The following GRM7 variants were observed in gnomAD, a reference collection of about 807,000 sequenced individuals.
The protein encoded by GRM7 is metabotropic glutamate receptor 7.
In GRM7, 35 loss-of-function variants were observed where a neutral mutation model predicts 84.5. That is an observed-to-expected ratio of 0.41 (90% CI 0.32 to 0.55). GRM7 has a LOEUF of 0.55. Among genes scored for constraint, GRM7 ranks in the 20% least tolerant of loss-of-function variants. The pLI is 0.19. For missense variants in GRM7, 1,003 were observed against 1,194.6 expected, an observed-to-expected ratio of 0.84 and a Z score of 2.36; for synonymous variants, 487 against 455.1, an observed-to-expected ratio of 1.07 and a Z score of -0.89.
chr3:7,078,960 G>A (rs10049361), intron 1 of GRM7, among the ~76,000 whole-genome samples: 88,236 of 151,714 alleles, frequency 0.58, 27,813 homozygotes, highest in African/African-American at 0.85. Context: ...ATACAATATC[G>A]TTTTTGAGAA....
chr3:7,705,172 A>G (rs1701347434), intron 9 of GRM7, among the ~76,000 whole-genome samples: 1 of 152,162 alleles, frequency 6.6e-6, no homozygotes, highest in African/African-American at 2.4e-5. Context: ...TACCCATGTC[A>G]TCCTTGAATG....
At chr3:7,076,187 G>C (rs1574868374) in intron 1 of GRM7, among the ~76,000 whole-genome samples, 2 of 152,042 alleles carry the variant, frequency 1.3e-5, no homozygotes, top group South Asian at 4.1e-4. Flanking sequence ...AATAATCCTA[G>C]AGCACATACA....
intron 2 of GRM7, among the ~76,000 whole-genome samples, chr3:7,291,491 TCTCTCTCTCTCTCTC>T (rs1699620811): frequency 0.014 from 4 of 294 alleles, no homozygotes; most frequent in East Asian, 0.12. Context: ...TCATGCCAGC[TCTCTCTCTCTCTCTC>T]TCTCTCTCTC....
At chr3:7,131,293 G>A (rs868019869) in intron 1 of GRM7, among the ~76,000 whole-genome samples, 2 of 152,112 alleles carry the variant, frequency 1.3e-5, no homozygotes, top group East Asian at 3.9e-4. Flanking sequence ...CAGGGCCCTC[G>A]TTAAACAATC....
At chr3:7,669,323 G>C (rs1699830836) in intron 8 of GRM7, among the ~76,000 whole-genome samples, 1 of 152,210 alleles carries the variant, frequency 6.6e-6, no homozygotes, top group Non-Finnish European at 1.5e-5. Flanking sequence ...AGACAAGTAG[G>C]AGGTAGCTAG....
At chr3:7,319,650 T>C (rs912384516) in intron 4 of GRM7, among the ~76,000 whole-genome samples, 4 of 152,062 alleles carry the variant, frequency 2.6e-5, no homozygotes, top group Admixed American at 2.6e-4. Flanking sequence ...TGAATATATC[T>C]ACTTAGGTTC....
chr3:7,276,249 G>GTGTGTGTGTGTA (rs1336783487), intron 2 of GRM7, among the ~76,000 whole-genome samples: 2 of 143,592 alleles, frequency 1.4e-5, no homozygotes, highest in African/African-American at 5.3e-5. Flanking sequence ...GTGTGTGTGT[G>GTGTGTGTGTGTA]TATATATAAT....
In GRM7 at chr3:7,340,928, T is replaced by G. The variant is rs2125079042; in HGVS notation, c.1033+34276T>G. ...AGAACTGGTAGTGAGGGCTGGTATT[T>G]ATTGCTTCCCCTGCTTGTACCTGGC... On this transcript the variant is annotated intron_variant, in intron 4 of 9. Coordinates refer to ENST00000357716, the MANE Select transcript of GRM7 (RefSeq NM_000844.4). Among the ~76,000 whole-genome samples, 2 of 152,220 alleles carry G rather than the reference T, an allele frequency of 1.3e-5. 1 individual carries two copies. Among genetic ancestry groups the G allele is most frequent in the South Asian group, 4.1e-4 (2 of 4,820 alleles).
chr3:7,433,252 G>A (rs984721987), intron 5 of GRM7, among the ~76,000 whole-genome samples: 5 of 152,174 alleles, frequency 3.3e-5, no homozygotes, highest in Admixed American at 1.3e-4. Flanking sequence ...GATCAAAGGT[G>A]CACCCATGGA....
rs1319330868 is a variant in GRM7, at chr3:7,647,700, T to C, written c.2452-32349T>C. Among the ~76,000 whole-genome samples, 5 of 152,028 alleles carry C rather than the reference T, an allele frequency of 3.3e-5. No individual in the cohort carries two copies. The South Asian group carries it at 8.3e-4, about 25-fold the overall frequency. On this transcript the variant is annotated intron_variant, in intron 8 of 9. Transcript: ENST00000357716. ...AGCGATGGTGGCAGTGAAGGTTAAG[T>C]AGGCAGACTCAAGAGATGTGGATTT...
intron 1 of GRM7, among the ~76,000 whole-genome samples, chr3:6,884,498 A>G (rs535849855): frequency 1.4e-4 from 21 of 152,312 alleles, no homozygotes; most frequent in African/African-American, 4.8e-4. Context: ...TATAAAAAAC[A>G]TCACCATTTT....
At chr3:6,922,749 A>G (rs1697168413) in intron 1 of GRM7, among the ~76,000 whole-genome samples, 1 of 152,342 alleles carries the variant, frequency 6.6e-6, no homozygotes, top group Non-Finnish European at 1.5e-5. Context: ...TCTGAAAAGA[A>G]GCTCAGATTA....
intron 2 of GRM7, among the ~76,000 whole-genome samples, chr3:7,279,125 A>G (rs1000901989): frequency 6.6e-6 from 1 of 152,182 alleles, no homozygotes; most frequent in Admixed American, 6.5e-5. Context: ...CTCACAGTTG[A>G]CATAAGGGCT....
At chr3:7,067,104 C>T (rs1291947599) in intron 1 of GRM7, among the ~76,000 whole-genome samples, 1 of 151,894 alleles carries the variant, frequency 6.6e-6, no homozygotes, top group Non-Finnish European at 1.5e-5. Flanking sequence ...CCTCTGAGAA[C>T]TGGAACAAGA....
chr3:7,299,175 G>A (rs1267014213), intron 3 of GRM7, among the ~76,000 whole-genome samples: 1 of 152,074 alleles, frequency 6.6e-6, no homozygotes, highest in Non-Finnish European at 1.5e-5. Flanking sequence ...TAAAATTCTG[G>A]TTTTATTGCT....
intron 5 of GRM7, among the ~76,000 whole-genome samples, chr3:7,445,980 C>A (rs931148617): frequency 7.0e-6 from 1 of 143,590 alleles, no homozygotes; most frequent in East Asian, 2.0e-4. Context: ...TGTCACAAAT[C>A]AAATATGCCC....
At position 7,653,015 on chromosome 3, in the gene GRM7, C is replaced by T. The variant is rs73121879; in HGVS notation, c.2452-27034C>T. On this transcript the variant is annotated intron_variant, in intron 8 of 9. Coordinates refer to ENST00000357716, the MANE Select transcript of GRM7 (RefSeq NM_000844.4). ...CTCTGGAATGTCCTGCTTCCAGCTC[C>T]CCGCCTGGCTAACAATCTCACCGCC... is the stretch of plus-strand genomic sequence containing the variant. 2.1e-3 allele frequency among the ~76,000 whole-genome samples: 320 copies of T among 152,074 alleles called. 2 individuals carry two copies. Among genetic ancestry groups the T allele is most frequent in the African/African-American group, 7.4e-3 (306 of 41,488 alleles).
intron 1 of GRM7, chr3:6,892,708 A>G (rs913310745): frequency 2.0e-5 from 3 of 152,036 alleles, no homozygotes; most frequent in Admixed American, 6.6e-5. Flanking sequence ...TCTTTACCCA[A>G]TTACAGACAC....
At chr3:7,421,815 C>T (rs78999025) in intron 5 of GRM7, among the ~76,000 whole-genome samples, 12,913 of 146,666 alleles carry the variant, frequency 0.088, 1,574 homozygotes, top group African/African-American at 0.28. Context: ...TTTTTGTTTT[C>T]GTTTTTGTTT....
Sources: gnomAD v4.1 joint callset for allele counts (sites outside exome capture counted in the v4.1 genomes callset) on GRCh38, gnomAD v4.1.1 for gene constraint, MANE v1.5 for transcripts, NCBI Gene and HGNC (gene_info 2026-07-23, HGNC 2026-07-21) for gene names.